The following ZNF541 variants were observed in gnomAD, a reference collection of about 807,000 sequenced individuals.
ZNF541 encodes zinc finger protein 541.
Under a neutral mutation model 123.5 loss-of-function variants are expected in ZNF541, and 23 were observed. The ratio of observed to expected loss-of-function variants is 0.19; its 90% CI spans 0.13 to 0.26. The LOEUF is 0.26. Ranked by LOEUF, ZNF541 falls within the 10% of genes least tolerant of loss-of-function variation. The probability of loss-of-function intolerance (pLI) is 1.00; values close to 1 mark genes in which losing one functional copy is unlikely to be tolerated. For missense variants in ZNF541, 1,612 were observed against 1,789.9 expected (o/e 0.90, Z 1.79); for synonymous variants, 751 against 754.5 (o/e 1.00, Z 0.08).
chr19:47,569,071 A>G (rs1971377144), intron 2 of ZNF541, among the ~76,000 whole-genome samples: 1 of 151,660 alleles, frequency 6.6e-6, no homozygotes. Context: ...TAATGGGGAG[A>G]TTTCACCTTC....
intron 14 of ZNF541, among the ~76,000 whole-genome samples, chr19:47,523,586 C>T (rs1969148706): frequency 1.3e-5 from 2 of 152,044 alleles, no homozygotes; most frequent in Non-Finnish European, 2.9e-5. Context: ...CCAGATTTAC[C>T]CTCTCGTCCA....
At chr19:47,522,356 A>G (rs1440581382) in intron 14 of ZNF541, among the ~76,000 whole-genome samples, 1 of 152,166 alleles carries the variant, frequency 6.6e-6, no homozygotes, top group Non-Finnish European at 1.5e-5. Context: ...AGACATTACA[A>G]CAGCTAGGCA....
intron 12 of ZNF541, among the ~76,000 whole-genome samples, chr19:47,530,240 C>A (rs925685926): frequency 6.6e-5 from 10 of 150,914 alleles, no homozygotes; most frequent in African/African-American, 2.4e-4. Flanking sequence ...ATGATCTTGG[C>A]TCACTGCAGC....
chr19:47,549,195 C>G, intron 4 of ZNF541, 50 bp downstream of exon 4: 1 of 1,546,732 alleles, frequency 6.5e-7, no homozygotes, highest in Non-Finnish European at 8.7e-7. Context: ...GGAACATGTC[C>G]CCACCCCCAG....
In ZNF541 at chr19:47,521,053, T is replaced by C; in HGVS notation, c.*171A>G. 1.3e-6 allele frequency: 1 copy of C among 751,612 alleles called. No homozygotes were observed. Among genetic ancestry groups the C allele is most frequent in the South Asian group, 1.9e-5 (1 of 52,912 alleles). The allele number at this position is 751,612 out of a possible 1,614,324, so 46.6% of individuals were successfully genotyped here. ...AGGGACTGCATAGCTGTCCGACAACTGAGCTCCTCCTGCCTATCTGTGGCC... is the reference window on the plus strand; with the variant it reads ...AGGGACTGCATAGCTGTCCGACAACCGAGCTCCTCCTGCCTATCTGTGGCC... On this transcript the variant is annotated 3_prime_UTR_variant, in exon 17 of 17. Transcript: ENST00000391901. The surrounding 1 kb of genome is among the most constrained non-coding windows in gnomAD (Gnocchi z 4.2).
At chr19:47,554,604 G>A (rs1900516838) in intron 3 of ZNF541, among the ~76,000 whole-genome samples, 1 of 152,174 alleles carries the variant, frequency 6.6e-6, no homozygotes, top group South Asian at 2.1e-4. Flanking sequence ...AAGAAGGCCT[G>A]ACAACCAAAG....
intron 14 of ZNF541, among the ~76,000 whole-genome samples, chr19:47,525,093 T>C (rs1969222700): frequency 6.6e-6 from 1 of 152,056 alleles, no homozygotes; most frequent in Non-Finnish European, 1.5e-5. Flanking sequence ...AAGATCAGCC[T>C]GGCCAACATG....
intron 2 of ZNF541, among the ~76,000 whole-genome samples, chr19:47,570,258 A>C (rs1374408503): frequency 6.6e-6 from 1 of 151,094 alleles, no homozygotes; most frequent in Non-Finnish European, 1.5e-5. Flanking sequence ...TGGGCGACAG[A>C]GCGAGACTCC....
intron 2 of ZNF541, among the ~76,000 whole-genome samples, chr19:47,562,048 A>G (rs1331768428): frequency 1.3e-5 from 2 of 152,228 alleles, no homozygotes; most frequent in African/African-American, 4.8e-5. Context: ...CAGGAGTTCA[A>G]GACTGGCCTG....
intron 9 of ZNF541, among the ~76,000 whole-genome samples, chr19:47,536,386 C>T (rs747844263): frequency 3.3e-5 from 5 of 152,170 alleles, no homozygotes; most frequent in East Asian, 1.9e-4. Context: ...TATAGGCACC[C>T]GCCACCATGC....
chr19:47,529,904 T>G (rs1969484318), intron 12 of ZNF541, among the ~76,000 whole-genome samples: 1 of 152,206 alleles, frequency 6.6e-6, no homozygotes, highest in African/African-American at 2.4e-5. Flanking sequence ...CGAAGGAGAC[T>G]GTGTGTGGAT....
chr19:47,528,775 T>C (rs1452834725), intron 14 of ZNF541, among the ~76,000 whole-genome samples, 175 bp downstream of exon 14: 12 of 152,176 alleles, frequency 7.9e-5, no homozygotes, highest in Admixed American at 2.0e-4. Context: ...TGCAGGTCTG[T>C]ACCATCTGGA....
At chr19:47,566,746 A>AAAAT (rs761343019) in intron 2 of ZNF541, among the ~76,000 whole-genome samples, 71 of 151,260 alleles carry the variant, frequency 4.7e-4, no homozygotes, top group East Asian at 1.4e-3. Flanking sequence ...CTCCATCTCA[A>AAAAT]AAATAAATAA....
At chr19:47,539,943 T>C in intron 7 of ZNF541, 65 bp from the exon 8 acceptor site, 3 of 1,502,686 alleles carry the variant, frequency 2.0e-6, no homozygotes, top group Non-Finnish European at 2.6e-6. Flanking sequence ...GAAGAGCTGC[T>C]TCAGCAAAAA....
intron 9 of ZNF541, among the ~76,000 whole-genome samples, chr19:47,534,487 CT>C (rs1340776015): frequency 2.0e-5 from 3 of 152,050 alleles, no homozygotes; most frequent in Non-Finnish European, 4.4e-5. Flanking sequence ...CCCGTCTCTA[CT>C]AAAAATACAA....
At chr19:47,556,728 T>G (rs1970836579) in intron 2 of ZNF541, among the ~76,000 whole-genome samples, 1 of 151,824 alleles carries the variant, frequency 6.6e-6, no homozygotes, top group Non-Finnish European at 1.5e-5. Context: ...TCTATATAGA[T>G]TAAATGTGGA....
chr19:47,524,747 T>C (rs1969206572), intron 14 of ZNF541, among the ~76,000 whole-genome samples: 1 of 149,522 alleles, frequency 6.7e-6, no homozygotes, highest in Non-Finnish European at 1.5e-5. Context: ...GAGCTAGGTG[T>C]GATTGCACAC....
intron 2 of ZNF541, among the ~76,000 whole-genome samples, chr19:47,568,642 C>A (rs903915120): frequency 6.6e-6 from 1 of 152,002 alleles, no homozygotes; most frequent in African/African-American, 2.4e-5. Context: ...CTGCACCCGG[C>A]CTGCAATTTC....
chr19:47,545,433 GC>G lies in ZNF541; in HGVS notation c.1095del (p.Pro366GlnfsTer185). 1 of 1,481,000 alleles carries G rather than the reference GC, an allele frequency of 6.8e-7. No individual in the cohort carries two copies. The highest frequency in any genetic ancestry group is 9.0e-7 in the Non-Finnish European group (1 of 1,113,096). The allele number at this position is 1,481,000 out of a possible 1,614,324, so 91.7% of individuals were successfully genotyped here. ...AGCGCGGTATCTGGCTCCGGCTCTG[GC>G]GGGTCGGGGGCGCCGTTCTCGGCGG... ...SRAAENGAPD[P>X]PEPEPDTALL... On this transcript the variant is annotated frameshift_variant, in exon 5 of 17. Transcript: ENST00000391901. LOFTEE classifies it high-confidence loss of function. The surrounding 1 kb of genome is among the most constrained non-coding windows in gnomAD (Gnocchi z 7.5).
Sources: gnomAD v4.1 joint callset for allele counts (sites outside exome capture counted in the v4.1 genomes callset) on GRCh38, gnomAD v4.1.1 for gene constraint, Gnocchi (gnomAD v3.1) non-coding constraint, MANE v1.5 for transcripts, NCBI Gene and HGNC (gene_info 2026-07-23, HGNC 2026-07-21) for gene names.